The following TAMM41 variants were observed in gnomAD, a reference collection of about 807,000 sequenced individuals.
The protein encoded by TAMM41 is phosphatidate cytidylyltransferase, mitochondrial.
A neutral mutation model predicts 44.1 loss-of-function variants in TAMM41; 36 were observed. The observed-to-expected ratio is 0.82, with a 90% CI of 0.63 to 1.08. TAMM41 has a LOEUF of 1.08. Among genes scored for constraint, TAMM41 ranks in the 50% least tolerant of loss-of-function variants. TAMM41 has a pLI of 0.00. For synonymous variants in TAMM41, 164 were observed against 153.1 expected, an observed-to-expected ratio of 1.07 and a Z score of -0.53; for missense variants, 417 against 404.3, an observed-to-expected ratio of 1.03 and a Z score of -0.27.
intron 2 of TAMM41, among the ~76,000 whole-genome samples, chr3:11,839,719 T>A (rs1228617866): frequency 6.6e-6 from 1 of 152,176 alleles, no homozygotes; most frequent in Non-Finnish European, 1.5e-5. Context: ...CCTAAAACTG[T>A]TCCCCTCCCC....
the TAMM41 span, among the ~76,000 whole-genome samples, chr3:11,776,672 G>A: frequency 3.3e-5 from 5 of 152,264 alleles, no homozygotes; most frequent in South Asian, 2.1e-4. Context: ...GCCTGACAAC[G>A]CATTTCTCAG....
the TAMM41 span, among the ~76,000 whole-genome samples, chr3:11,752,089 C>T: frequency 2.0e-5 from 3 of 152,124 alleles, no homozygotes; most frequent in East Asian, 1.9e-4. Flanking sequence ...TGGTTCCTTC[C>T]GGTGGGTTTG....
At chr3:11,797,275 C>T (rs1484381452) in intron 7 of TAMM41, among the ~76,000 whole-genome samples, 1 of 152,186 alleles carries the variant, frequency 6.6e-6, no homozygotes, top group Non-Finnish European at 1.5e-5. Flanking sequence ...ACCAAAACAG[C>T]ATGGTGCTGG....
the TAMM41 span, among the ~76,000 whole-genome samples, chr3:11,733,515 CG>C: frequency 6.7e-6 from 1 of 148,620 alleles, no homozygotes; most frequent in Non-Finnish European, 1.5e-5. Context: ...TTTTTTGAGA[CG>C]GAGTCTCGCT....
At chr3:11,794,213 T>C (rs1244458626) in intron 7 of TAMM41, among the ~76,000 whole-genome samples, 1 of 151,956 alleles carries the variant, frequency 6.6e-6, no homozygotes, top group Admixed American at 6.6e-5. Flanking sequence ...CAAAGCTCAC[T>C]GGAGCCTCGA....
At chr3:11,800,890 A>C (rs2077732222) in intron 7 of TAMM41, among the ~76,000 whole-genome samples, 2 of 152,170 alleles carry the variant, frequency 1.3e-5, no homozygotes, top group South Asian at 4.1e-4. Flanking sequence ...TTCTTCAAGC[A>C]TGGGCTACAT....
intron 7 of TAMM41, among the ~76,000 whole-genome samples, chr3:11,795,160 A>C (rs1370047251): frequency 6.6e-6 from 1 of 152,222 alleles, no homozygotes; most frequent in Non-Finnish European, 1.5e-5. Flanking sequence ...AGCAAGACTG[A>C]ACCTGTCTTG....
chr3:11,737,407 G>A, the TAMM41 span, among the ~76,000 whole-genome samples: 9 of 151,224 alleles, frequency 6.0e-5, no homozygotes, highest in Non-Finnish European at 1.2e-4. Context: ...TGCATCCTCC[G>A]CCTCCCAGGT....
At chr3:11,781,375 T>G in the TAMM41 span, among the ~76,000 whole-genome samples, 1 of 152,096 alleles carries the variant, frequency 6.6e-6, no homozygotes, top group Non-Finnish European at 1.5e-5. Context: ...CTTAGCCCTG[T>G]TATAATTTAC....
the TAMM41 span, among the ~76,000 whole-genome samples, chr3:11,729,518 TTTC>T: frequency 1.4e-5 from 2 of 138,198 alleles, no homozygotes; most frequent in Non-Finnish European, 3.1e-5. Flanking sequence ...TCTTTCTTTC[TTTC>T]TTTCTTTTCT....
the TAMM41 span, among the ~76,000 whole-genome samples, chr3:11,740,073 G>C: frequency 6.8e-6 from 1 of 146,424 alleles, no homozygotes. Context: ...AACCACATAA[G>C]GCAAAAAACA....
the TAMM41 span, among the ~76,000 whole-genome samples, chr3:11,779,379 G>C: frequency 6.6e-6 from 1 of 152,166 alleles, no homozygotes; most frequent in Non-Finnish European, 1.5e-5. Context: ...CAGGAACTAT[G>C]AGTGAGAACT....
chr3:11,837,888 A>G (rs2079252894), intron 3 of TAMM41, among the ~76,000 whole-genome samples: 1 of 152,202 alleles, frequency 6.6e-6, no homozygotes, highest in Non-Finnish European at 1.5e-5. Context: ...GGAGGGCAGC[A>G]GGAGGGAGAG....
At chr3:11,820,594 T>C (rs780056604) in intron 4 of TAMM41, among the ~76,000 whole-genome samples, 1 of 152,206 alleles carries the variant, frequency 6.6e-6, no homozygotes, top group African/African-American at 2.4e-5. Context: ...CTCACTGGTG[T>C]GCAGCTGAAC....
chr3:11,784,185 A>T, the TAMM41 span, among the ~76,000 whole-genome samples: 1 of 152,194 alleles, frequency 6.6e-6, no homozygotes, highest in Non-Finnish European at 1.5e-5. Context: ...AAGATGCCGT[A>T]TCTACTGTGA....
At chr3:11,761,783 C>G in the TAMM41 span, among the ~76,000 whole-genome samples, 37,979 of 151,194 alleles carry the variant, frequency 0.25, 4,916 homozygotes, top group East Asian at 0.32. Context: ...CCTGTCTCTA[C>G]TAAAAATACA....
the TAMM41 span, among the ~76,000 whole-genome samples, chr3:11,729,108 A>C: frequency 6.6e-6 from 1 of 152,070 alleles, no homozygotes; most frequent in Non-Finnish European, 1.5e-5. Flanking sequence ...AAGTGCCCTT[A>C]AGCAAGACCA....
chr3:11,776,644 G>A, the TAMM41 span, among the ~76,000 whole-genome samples: 7 of 152,148 alleles, frequency 4.6e-5, no homozygotes, highest in African/African-American at 7.2e-5. Flanking sequence ...ACTCTATGAC[G>A]CTCACGAGAA....
At chr3:11,801,465 C>G (rs1403699911) in intron 7 of TAMM41, among the ~76,000 whole-genome samples, 1 of 152,068 alleles carries the variant, frequency 6.6e-6, no homozygotes, top group African/African-American at 2.4e-5. Flanking sequence ...GCTGGGACTA[C>G]AGGCACATAC....
Sources: gnomAD v4.1 joint callset for allele counts (sites outside exome capture counted in the v4.1 genomes callset) on GRCh38, gnomAD v4.1.1 for gene constraint, MANE v1.5 for transcripts, NCBI Gene and HGNC (gene_info 2026-07-23, HGNC 2026-07-21) for gene names.